Variants in CERT1 observed in about 807,000 individuals in gnomAD.
The protein encoded by CERT1 is ceramide transporter 1, also known as ceramide transfer protein.
CERT1 carries 31 observed loss-of-function variants against 87.9 expected under a neutral mutation model. The ratio of observed to expected loss-of-function variants is 0.35; its 90% CI spans 0.27 to 0.48. CERT1 has a LOEUF of 0.48. Among genes scored for constraint, CERT1 ranks in the 20% least tolerant of loss-of-function variants. CERT1 has a pLI of 0.99. For synonymous variants in CERT1, 289 were observed against 250.9 expected, an observed-to-expected ratio of 1.15 and a Z score of -1.44; for missense variants, 487 against 758.0, an observed-to-expected ratio of 0.64 and a Z score of 4.20.
intron 11 of CERT1, among the ~76,000 whole-genome samples, chr5:75,398,541 A>G (rs937824259): frequency 2.0e-5 from 3 of 152,180 alleles, no homozygotes; most frequent in African/African-American, 7.2e-5. Context: ...AATATAATCT[A>G]GTCCAATAAA....
At chr5:75,484,242 A>G (rs1461846225) in intron 2 of CERT1, among the ~76,000 whole-genome samples, 1 of 151,964 alleles carries the variant, frequency 6.6e-6, no homozygotes, top group Non-Finnish European at 1.5e-5. Flanking sequence ...AAAACCTGCA[A>G]CAGACAAAAA....
At chr5:75,488,751 A>G (rs780418069) in intron 2 of CERT1, among the ~76,000 whole-genome samples, 1 of 152,146 alleles carries the variant, frequency 6.6e-6, no homozygotes, top group Non-Finnish European at 1.5e-5. Context: ...TTTTCCTTGA[A>G]GAATTTTATA....
At chr5:75,384,043 A>C (rs1189151533) in intron 14 of CERT1, among the ~76,000 whole-genome samples, 1 of 152,172 alleles carries the variant, frequency 6.6e-6, no homozygotes, top group Non-Finnish European at 1.5e-5. Flanking sequence ...CTTTCAGATA[A>C]TCCATTTACT....
intron 5 of CERT1, among the ~76,000 whole-genome samples, chr5:75,421,661 T>G (rs997215570): frequency 6.6e-6 from 1 of 152,182 alleles, no homozygotes; most frequent in Non-Finnish European, 1.5e-5. Context: ...TGACCATCAG[T>G]TGAAGTTATA....
intron 2 of CERT1, among the ~76,000 whole-genome samples, chr5:75,490,175 A>G (rs1202273353): frequency 6.6e-6 from 1 of 152,194 alleles, no homozygotes; most frequent in African/African-American, 2.4e-5. Flanking sequence ...GGATGGGAAC[A>G]TCACACGCCG....
In CERT1 at chr5:75,411,041, T is replaced by C. The variant is rs1194081447; in HGVS notation, c.900A>G (p.Lys300=). 6.3e-7 allele frequency: 1 copy of C among 1,593,274 alleles called. No individual in the cohort carries two copies. Reference sequence around the variant, plus strand: ...AATCTGGTCCTCCAAAGTGGGATTTTTTCTTAAGTTCTGTCATTGCATTTT... The same window carrying C: ...AATCTGGTCCTCCAAAGTGGGATTTCTTCTTAAGTTCTGTCATTGCATTTT... ...AYKNAMTELK[K]KSHFGGPDYE... Residue 300 remains lysine (K), a synonymous_variant, in exon 8 of 17, where the codon AAA becomes AAG. Transcript: ENST00000643780.
chr5:75,432,600 C>T (rs1199329652), intron 3 of CERT1, among the ~76,000 whole-genome samples: 2 of 152,162 alleles, frequency 1.3e-5, no homozygotes, highest in Admixed American at 1.3e-4. Flanking sequence ...TTCTGGATAT[C>T]AGACCTTTGT....
At chr5:75,391,285 A>T (rs1762021320) in intron 11 of CERT1, among the ~76,000 whole-genome samples, 1 of 152,234 alleles carries the variant, frequency 6.6e-6, no homozygotes, top group East Asian at 1.9e-4. Flanking sequence ...GTTATATGTG[A>T]TAGTGATGTT....
At chr5:75,460,483 T>C (rs1765179477) in intron 2 of CERT1, among the ~76,000 whole-genome samples, 1 of 152,208 alleles carries the variant, frequency 6.6e-6, no homozygotes, top group African/African-American at 2.4e-5. Context: ...GACTCAAGAA[T>C]ATAAAAAATG....
intron 2 of CERT1, among the ~76,000 whole-genome samples, chr5:75,492,585 A>G (rs1766849470): frequency 6.6e-6 from 1 of 152,172 alleles, no homozygotes; most frequent in Admixed American, 6.5e-5. Context: ...AGGTTGGTAT[A>G]AGGCATGTTC....
At chr5:75,446,790 T>C (rs1219125852) in intron 3 of CERT1, among the ~76,000 whole-genome samples, 2 of 152,244 alleles carry the variant, frequency 1.3e-5, no homozygotes, top group Non-Finnish European at 2.9e-5. Flanking sequence ...CATCACTTTC[T>C]AATTTTTTGT....
intron 14 of CERT1, 146 bp downstream of exon 14, chr5:75,384,496 A>C (rs1761707325): frequency 3.4e-6 from 2 of 592,678 alleles, no homozygotes; most frequent in Admixed American, 6.1e-5. Context: ...TACCTTTTAA[A>C]TACATGACAT....
chr5:75,412,478 CA>C (rs1191541902), intron 7 of CERT1, among the ~76,000 whole-genome samples: 1 of 152,158 alleles, frequency 6.6e-6, no homozygotes, highest in African/African-American at 2.4e-5. Context: ...TAGTGAAAGC[CA>C]CATGTATTTA....
chr5:75,419,377 C>T lies in CERT1; in HGVS notation c.643G>A (p.Asp215Asn). The change falls in exon 6 of 17, where the codon GAC (aspartate) becomes AAC (asparagine). Residue 215 changes from aspartate (D) to asparagine (N), a missense_variant. This residue lies in a region of CERT1 where 173 missense variants were observed against 302.2 expected (regional missense o/e 0.57). Coordinates refer to ENST00000643780, the MANE Select transcript of CERT1 (RefSeq NM_001379029.1). ...TTGCCGTTGGTACTATGCAAGAAGTCACCATCAGAACGCGTTGTAGGAAAG... is the reference window on the plus strand; with the variant it reads ...TTGCCGTTGGTACTATGCAAGAAGTTACCATCAGAACGCGTTGTAGGAAAG... ...DDFPTTRSDG[D>N]FLHSTNGNKE... The T allele has an allele frequency of 6.2e-7, 1 of 1,613,126 alleles. No individual in the cohort carries two copies. The highest frequency in any genetic ancestry group is 8.5e-7 in the Non-Finnish European group (1 of 1,179,248).
intron 2 of CERT1, among the ~76,000 whole-genome samples, chr5:75,470,031 T>C (rs1159214850): frequency 2.0e-5 from 3 of 152,092 alleles, no homozygotes; most frequent in Non-Finnish European, 2.9e-5. Flanking sequence ...ATAATATGCA[T>C]CCAACACTGG....
chr5:75,461,820 T>C (rs368283496), intron 2 of CERT1, among the ~76,000 whole-genome samples: 3 of 82,274 alleles, frequency 3.6e-5, no homozygotes, highest in Non-Finnish European at 7.3e-5. Flanking sequence ...CTCAACAAAG[T>C]GAAAAAAAAA....
chr5:75,425,104 T>C (rs1262366306), intron 5 of CERT1, among the ~76,000 whole-genome samples: 1 of 152,078 alleles, frequency 6.6e-6, no homozygotes, highest in African/African-American at 2.4e-5. Flanking sequence ...GGCGATAGAA[T>C]GAAACCATGT....
intron 16 of CERT1, among the ~76,000 whole-genome samples, chr5:75,380,733 G>A (rs530319878): frequency 1.5e-5 from 2 of 134,476 alleles, no homozygotes; most frequent in African/African-American, 5.7e-5. Context: ...AGCTGAGACT[G>A]CACCACTGCA....
chr5:75,386,101 T>C (rs1761773812), intron 12 of CERT1, 67 bp from the exon 13 acceptor site: 1 of 1,251,316 alleles, frequency 8.0e-7, no homozygotes, highest in Non-Finnish European at 1.1e-6. Context: ...CAGGAAAGCA[T>C]GCTTTTAATA....
Sources: gnomAD v4.1 joint callset for allele counts (sites outside exome capture counted in the v4.1 genomes callset) on GRCh38, gnomAD v4.1.1 for gene constraint, gnomAD v4.1.1 regional missense constraint, MANE v1.5 for transcripts, NCBI Gene and HGNC (gene_info 2026-07-23, HGNC 2026-07-21) for gene names.